Variants in PRKCA observed in about 807,000 individuals in gnomAD.
PRKCA encodes protein kinase C alpha.
PRKCA carries 27 observed loss-of-function variants against 87.0 expected under a neutral mutation model. The ratio of observed to expected loss-of-function variants is 0.31; its 90% CI spans 0.23 to 0.43. PRKCA has a LOEUF of 0.43. PRKCA is among the 20% of genes least tolerant of loss of function. The pLI, the probability that PRKCA is intolerant of heterozygous loss-of-function variation, is 1.00. For missense variants in PRKCA, 518 were observed against 852.3 expected, an observed-to-expected ratio of 0.61 and a Z score of 4.88; for synonymous variants, 329 against 311.1, an observed-to-expected ratio of 1.06 and a Z score of -0.61.
intron 2 of PRKCA, among the ~76,000 whole-genome samples, chr17:66,471,906 A>G (rs865981875): frequency 6.6e-6 from 1 of 152,170 alleles, no homozygotes; most frequent in African/African-American, 2.4e-5. Context: ...TTTAAGTACT[A>G]TAAAATATTT....
intron 2 of PRKCA, among the ~76,000 whole-genome samples, chr17:66,419,862 A>G (rs1445764698): frequency 1.3e-5 from 2 of 152,202 alleles, no homozygotes; most frequent in Non-Finnish European, 2.9e-5. Flanking sequence ...TCTCCAAGGC[A>G]TAGGTCCATC....
chr17:66,353,000 A>G (rs1241792895), intron 2 of PRKCA, among the ~76,000 whole-genome samples: 1 of 152,104 alleles, frequency 6.6e-6, no homozygotes, highest in Non-Finnish European at 1.5e-5. Flanking sequence ...ATCTGTTTTT[A>G]ATATCCTGTT....
intron 3 of PRKCA, among the ~76,000 whole-genome samples, chr17:66,575,051 G>T (rs748514082): frequency 4.6e-5 from 7 of 152,158 alleles, no homozygotes; most frequent in Admixed American, 1.3e-4. Flanking sequence ...TGAATTGCCG[G>T]TGTCACCACT....
intron 3 of PRKCA, among the ~76,000 whole-genome samples, chr17:66,515,796 C>T (rs8080611): frequency 0.043 from 6,543 of 152,290 alleles, 438 homozygotes; most frequent in African/African-American, 0.15. Context: ...CCGCCCACCT[C>T]GGCTTTGCAG....
chr17:66,669,348 G>A (rs934813820), intron 5 of PRKCA, among the ~76,000 whole-genome samples: 4 of 152,116 alleles, frequency 2.6e-5, no homozygotes, highest in Non-Finnish European at 5.9e-5. Flanking sequence ...TCAAATCAGC[G>A]CTGTGCAAGA....
chr17:66,349,835 C>G (rs1482100786), intron 2 of PRKCA, among the ~76,000 whole-genome samples: 8 of 152,008 alleles, frequency 5.3e-5, no homozygotes. Context: ...ATTTTTAGGG[C>G]CTTCGTTAAT....
At chr17:66,617,502 C>T (rs1970549228) in intron 3 of PRKCA, among the ~76,000 whole-genome samples, 1 of 152,128 alleles carries the variant, frequency 6.6e-6, no homozygotes, top group Admixed American at 6.5e-5. Flanking sequence ...AGATGTGTCC[C>T]TAATGGGCTT....
intron 3 of PRKCA, among the ~76,000 whole-genome samples, chr17:66,519,480 T>G (rs537680424): frequency 2.4e-4 from 36 of 152,318 alleles, no homozygotes; most frequent in Middle Eastern, 6.8e-3. Context: ...GGACTCTTGC[T>G]GCCCTGGGAC....
chr17:66,563,278 T>C (rs1300155806), intron 3 of PRKCA, among the ~76,000 whole-genome samples: 1 of 152,162 alleles, frequency 6.6e-6, no homozygotes, highest in African/African-American at 2.4e-5. Flanking sequence ...TATCCACCTT[T>C]ATAGTATCAT....
rs1485173181 is a variant in PRKCA at position 66,810,005 on chromosome 17, T to C, written c.*5968T>C. On this transcript the variant is annotated 3_prime_UTR_variant, in exon 17 of 17. Coordinates refer to ENST00000413366, the MANE Select transcript of PRKCA (RefSeq NM_002737.3). ...TCAGAAATACTTCGATCTCCCAAGA[T>C]ATAAGAGGCAGCAGCAAACGTGCCT... The C allele has an allele frequency of 6.6e-6, 1 of 152,242 alleles. No homozygotes were observed. Among genetic ancestry groups the C allele is most frequent in the Non-Finnish European group, 1.5e-5 (1 of 68,040 alleles). 9.4% of individuals were successfully genotyped at this position (152,242 alleles called of 1,614,324 possible). A position where few individuals can be genotyped will look rare whatever the true frequency, so the allele number is the denominator to read the frequency against.
At chr17:66,437,738 G>A (rs1913482710) in intron 2 of PRKCA, among the ~76,000 whole-genome samples, 2 of 5,526 alleles carry the variant, frequency 3.6e-4, no homozygotes. Context: ...TTTTGAGCGG[G>A]GGGTGGGTGG....
At chr17:66,802,236 TTAA>T (rs1975917741) in intron 16 of PRKCA, among the ~76,000 whole-genome samples, 1 of 151,740 alleles carries the variant, frequency 6.6e-6, no homozygotes, top group Non-Finnish European at 1.5e-5. Context: ...GAAAAAAAAA[TTAA>T]TAAGCCCAGA....
chr17:66,378,460 T>G (rs1909600462), intron 2 of PRKCA, among the ~76,000 whole-genome samples: 1 of 152,174 alleles, frequency 6.6e-6, no homozygotes, highest in African/African-American at 2.4e-5. Flanking sequence ...ATTAATACCA[T>G]CTACTTTGGA....
chr17:66,370,275 A>G (rs1437334563), intron 2 of PRKCA, among the ~76,000 whole-genome samples: 1 of 116,360 alleles, frequency 8.6e-6, no homozygotes, highest in African/African-American at 3.4e-5. Context: ...TCTGTCGCCC[A>G]GGCTGGAGTG....
chr17:66,632,939 C>T (rs1185603312), intron 3 of PRKCA, among the ~76,000 whole-genome samples: 1 of 152,192 alleles, frequency 6.6e-6, no homozygotes. Context: ...CCTGGTTTGA[C>T]AGGTTCATCC....
In PRKCA at chr17:66,370,652, G is replaced by A. The variant is rs556296688; in HGVS notation, c.205+64525G>A. ...TGCAACCTGGAACTCCCAGGCTCAA[G>A]CAATCCTTCCACCTCAGACTCCCAA... is the stretch of plus-strand genomic sequence containing the variant. On this transcript the variant is annotated intron_variant, in intron 2 of 16. Coordinates refer to ENST00000413366, the MANE Select transcript of PRKCA (RefSeq NM_002737.3). 4.1e-5 allele frequency among the ~76,000 whole-genome samples: 6 copies of A among 147,914 alleles called. No homozygotes were observed. In the South Asian group the frequency reaches 1.3e-3, roughly 32 times the overall value.
intron 2 of PRKCA, among the ~76,000 whole-genome samples, chr17:66,313,766 G>C (rs1905181313): frequency 1.3e-5 from 2 of 152,094 alleles, no homozygotes; most frequent in Non-Finnish European, 2.9e-5. Flanking sequence ...AGGTTTTTGT[G>C]CGTTAATACA....
At chr17:66,466,248 A>G (rs1339690284) in intron 2 of PRKCA, among the ~76,000 whole-genome samples, 8 of 152,176 alleles carry the variant, frequency 5.3e-5, no homozygotes, top group African/African-American at 1.9e-4. Context: ...TGGAACATGA[A>G]CTGCACGTGT....
chr17:66,538,462 A>G (rs2056071), intron 3 of PRKCA, among the ~76,000 whole-genome samples: 91,582 of 152,040 alleles, frequency 0.6, 28,500 homozygotes, highest in African/African-American at 0.76. Context: ...TGCGTTTGTC[A>G]CCAGGGAGGT....
Sources: allele counts gnomAD v4.1 joint callset (sites outside exome capture counted in the v4.1 genomes callset), GRCh38; gene constraint gnomAD v4.1.1; transcripts MANE v1.5; gene names NCBI Gene and HGNC (gene_info 2026-07-23, HGNC 2026-07-21).